EXD3: variants seen among roughly 807,000 people sequenced by gnomAD.
EXD3 encodes exonuclease mut-7 homolog.
A neutral mutation model predicts 98.0 loss-of-function variants in EXD3; 92 were observed. The observed-to-expected ratio is 0.94, with a 90% CI of 0.79 to 1.12. EXD3 has a LOEUF of 1.12. Among genes scored for constraint, EXD3 ranks in the 50% most tolerant of loss-of-function variants. EXD3 has a pLI of 0.00. For missense variants in EXD3, 1,222 were observed against 1,191.6 expected, an observed-to-expected ratio of 1.03 and a Z score of -0.38; for synonymous variants, 569 against 526.0, an observed-to-expected ratio of 1.08 and a Z score of -1.12.
At position 137,352,049 on chromosome 9, in the gene EXD3, G is replaced by A. The variant is rs775025800; in HGVS notation, c.1173+17C>T. 4 of 1,602,182 alleles carry A rather than the reference G, an allele frequency of 2.5e-6. No homozygotes were observed. Among genetic ancestry groups the A allele is most frequent in the Non-Finnish European group, 3.4e-6 (4 of 1,175,168 alleles). ...GATCCCACCACCGGGCGCTGCCCCA[G>A]CGGCCGAGGGAACCACCTGCAGGAG... On this transcript the variant is annotated intron_variant, in intron 12 of 21. Coordinates refer to ENST00000340951, the MANE Select transcript of EXD3 (RefSeq NM_017820.5).
chr9:137,322,437 T>C (rs376887898), intron 19 of EXD3, among the ~76,000 whole-genome samples: 245 of 107,626 alleles, frequency 2.3e-3, no homozygotes, highest in Middle Eastern at 0.018. Flanking sequence ...TGCCGACACC[T>C]CACCCCGGAC....
At chr9:137,416,702 C>T (rs1235591742) in intron 1 of EXD3, among the ~76,000 whole-genome samples, 1 of 152,240 alleles carries the variant, frequency 6.6e-6, no homozygotes, top group East Asian at 1.9e-4. Flanking sequence ...ATCCAGGTCA[C>T]ACCGAGGTGG....
Position 137,309,532 on chromosome 9 carries a change from C to T in EXD3, c.2278+75G>A. 3 of 1,264,446 alleles carry T rather than the reference C, an allele frequency of 2.4e-6. No individual in the cohort carries two copies. In the Admixed American group the frequency reaches 6.0e-5, roughly 25 times the overall value. 78.3% of individuals were successfully genotyped at this position (1,264,446 alleles called of 1,614,324 possible). ...AGCTCAGTGCTGGACGGGCCAGGCCCCTCTCCCTGGCTACCTCAGTAGGTC... is the reference window on the plus strand; with the variant it reads ...AGCTCAGTGCTGGACGGGCCAGGCCTCTCTCCCTGGCTACCTCAGTAGGTC... On this transcript the variant is annotated intron_variant, in intron 20 of 21. Coordinates refer to ENST00000340951, the MANE Select transcript of EXD3 (RefSeq NM_017820.5).
intron 19 of EXD3, among the ~76,000 whole-genome samples, chr9:137,315,616 C>T (rs1055325845): frequency 2.3e-4 from 35 of 152,072 alleles, no homozygotes; most frequent in African/African-American, 7.2e-4. Flanking sequence ...GCCCCCACCC[C>T]GGGGGAGGGG....
intron 7 of EXD3, chr9:137,366,162 T>C: frequency 1.4e-6 from 1 of 700,784 alleles, no homozygotes; most frequent in African/African-American, 1.7e-5. Flanking sequence ...AAAAACTTTA[T>C]TAGATGAAAG....
At chr9:137,336,251 C>T (rs1833347124) in intron 17 of EXD3, among the ~76,000 whole-genome samples, 2 of 152,142 alleles carry the variant, frequency 1.3e-5, no homozygotes, top group Admixed American at 1.3e-4. Flanking sequence ...CACAATTCAT[C>T]CATGTAACCA....
At chr9:137,331,159 GATC>G (rs1190140254) in intron 17 of EXD3, among the ~76,000 whole-genome samples, 1 of 152,086 alleles carries the variant, frequency 6.6e-6, no homozygotes, top group Non-Finnish European at 1.5e-5. Context: ...AAAACTACAC[GATC>G]ATCTCAGTAG....
chr9:137,393,098 G>C lies in EXD3; in HGVS notation c.55+2205C>G. 4 of 680,390 alleles carry C rather than the reference G, an allele frequency of 5.9e-6. No homozygotes were observed. The highest frequency in any genetic ancestry group is 1.1e-5 in the Non-Finnish European group (4 of 375,868). 42.1% of individuals were successfully genotyped at this position (680,390 alleles called of 1,614,324 possible). A position where few individuals can be genotyped will look rare whatever the true frequency, so the allele number is the denominator to read the frequency against. The stretch of plus-strand genomic sequence containing the variant: ...CGAGGCTGTTCTCGGTGGGGGTGCC[G>C]TGTCTGTTCCAGGGAGGGCCATTAG... On this transcript the variant is annotated intron_variant, in intron 2 of 21. Transcript: ENST00000340951. The surrounding 1 kb of genome is among the most constrained non-coding windows in gnomAD (Gnocchi z 4.6).
chr9:137,327,382 G>A (rs910006819), intron 17 of EXD3, among the ~76,000 whole-genome samples: 7 of 151,944 alleles, frequency 4.6e-5, no homozygotes, highest in African/African-American at 9.7e-5. Flanking sequence ...ATCCGCCCGC[G>A]TCGGCCTCCC....
chr9:137,413,240 G>A (rs1243330558), intron 1 of EXD3, among the ~76,000 whole-genome samples: 1 of 151,632 alleles, frequency 6.6e-6, no homozygotes, highest in African/African-American at 2.4e-5. Context: ...TCACTCCGTC[G>A]CCCAGGCTGG....
At chr9:137,331,878 T>G (rs1833080388) in intron 17 of EXD3, among the ~76,000 whole-genome samples, 1 of 152,080 alleles carries the variant, frequency 6.6e-6, no homozygotes. Flanking sequence ...AGGGCGCCAC[T>G]GCACTCCCGC....
chr9:137,307,545 G>A, intron 21 of EXD3, 63 bp downstream of exon 21: 1 of 1,588,638 alleles, frequency 6.3e-7, no homozygotes, highest in Middle Eastern at 1.9e-4. Context: ...CATTCTGGGG[G>A]AAGCCTGGCA....
intron 17 of EXD3, among the ~76,000 whole-genome samples, chr9:137,344,057 A>G (rs1428301224): frequency 6.7e-6 from 1 of 149,466 alleles, no homozygotes; most frequent in Non-Finnish European, 1.5e-5. Flanking sequence ...ACACCTGGCT[A>G]ATTTTTTATA....
At chr9:137,369,660 C>T (rs887858792) in intron 5 of EXD3, among the ~76,000 whole-genome samples, 18 of 152,202 alleles carry the variant, frequency 1.2e-4, no homozygotes, top group African/African-American at 3.4e-4. Flanking sequence ...CTCGGCGGGC[C>T]CCACCCAACC....
In EXD3 at chr9:137,405,425, G is replaced by A. The variant is rs1379176839; in HGVS notation, c.-47-10021C>T. Among the ~76,000 whole-genome samples, 3 of 152,234 alleles carry A rather than the reference G, an allele frequency of 2.0e-5. No homozygotes were observed. The highest frequency in any genetic ancestry group is 1.3e-4 in the Admixed American group (2 of 15,290). ...GGACTCATTCGTGCTGGTGTCCGTGGCCCAAGGATTTGCAGAGCCGCGGAC... is the reference window on the plus strand; with the variant it reads ...GGACTCATTCGTGCTGGTGTCCGTGACCCAAGGATTTGCAGAGCCGCGGAC... On this transcript the variant is annotated intron_variant, in intron 1 of 21. Coordinates refer to ENST00000340951, the MANE Select transcript of EXD3 (RefSeq NM_017820.5). The surrounding 1 kb of genome is among the most constrained non-coding windows in gnomAD (Gnocchi z 4.1).
At chr9:137,348,777 AG>A (rs1834090247) in intron 16 of EXD3, among the ~76,000 whole-genome samples, 1 of 19,224 alleles carries the variant, frequency 5.2e-5, no homozygotes, top group African/African-American at 2.6e-4. Flanking sequence ...GGGGAGGGGG[AG>A]GGGGCTAGAT....
At chr9:137,392,222 G>C (rs1836956445) in intron 2 of EXD3, 1 of 152,394 alleles carries the variant, frequency 6.6e-6, no homozygotes, top group Admixed American at 6.5e-5. Context: ...TGGCCTCGGG[G>C]GAGGGAGAGA....
Position 137,366,538 on chromosome 9 carries a change from A to T in EXD3, c.611T>A (p.Met204Lys). ...PDLQRRLLVL[M>K]DSWCQPGFDI... ...AAAGCCGGGCTGGCACCAGGAATCC[A>T]TGAGGACCAGCAGCCTCCTCTGGAG... Residue 204 changes from methionine to lysine, a missense_variant, in exon 7 of 22, where the codon ATG becomes AAG. Coordinates refer to ENST00000340951, the MANE Select transcript of EXD3 (RefSeq NM_017820.5). 3 of 1,551,676 alleles carry T rather than the reference A, an allele frequency of 1.9e-6. No homozygotes were observed. The highest frequency in any genetic ancestry group is 2.6e-6 in the Non-Finnish European group (3 of 1,147,742).
chr9:137,398,046 A>T (rs1190439046), intron 1 of EXD3, among the ~76,000 whole-genome samples: 1 of 152,262 alleles, frequency 6.6e-6, no homozygotes, highest in Admixed American at 6.5e-5. Context: ...AGCTAAATGG[A>T]AACTCGGCAA....
Sources: allele counts gnomAD v4.1 joint callset (sites outside exome capture counted in the v4.1 genomes callset), GRCh38; gene constraint gnomAD v4.1.1; non-coding constraint Gnocchi (gnomAD v3.1); transcripts MANE v1.5; gene names NCBI Gene and HGNC (gene_info 2026-07-23, HGNC 2026-07-21).